Variants in HSPG2 observed in about 807,000 individuals in gnomAD.
HSPG2 encodes heparan sulfate proteoglycan 2.
HSPG2 carries 278 observed loss-of-function variants against 526.6 expected under a neutral mutation model. That is an observed-to-expected ratio of 0.53 (90% CI 0.48 to 0.58). The LOEUF is 0.58. HSPG2 is among the 20% of genes least tolerant of loss of function. HSPG2 has a pLI of 0.00. For missense variants in HSPG2, 5,354 were observed against 6,099.5 expected (o/e 0.88, Z 4.07); for synonymous variants, 2,465 against 2,555.4 (o/e 0.96, Z 1.07).
In HSPG2 at chr1:21,878,351, G is replaced by T. The variant is rs764104107; in HGVS notation, c.2617+82C>A. 1.2e-5 allele frequency: 19 copies of T among 1,575,638 alleles called. 1 individual carries two copies. In the Admixed American group the frequency reaches 3.1e-4, roughly 25 times the overall value. ...GTGGCTCCCCAAGGTTCATGAGCTG[G>T]GGCAGGGAGGGAGGGTGCCTGGTGT... On this transcript the variant is annotated intron_variant, in intron 20 of 96. Transcript: ENST00000374695.
At chr1:21,835,378 C>G in intron 76 of HSPG2, 162 bp downstream of exon 76, 1 of 670,898 alleles carries the variant, frequency 1.5e-6, no homozygotes, top group Non-Finnish European at 2.7e-6. Flanking sequence ...TATCAAGCCC[C>G]TTTTACTCTA....
intron 85 of HSPG2, chr1:21,830,328 A>C (rs1171524283): frequency 1.1e-5 from 6 of 565,574 alleles, no homozygotes; most frequent in Admixed American, 6.1e-5. Flanking sequence ...GGTTCTTCAG[A>C]GACTGGACAG....
rs1257187341 is a variant in HSPG2, at chr1:21,898,237, T to A, written c.64-1927A>T. Among the ~76,000 whole-genome samples the A allele has an allele frequency of 6.6e-6, 1 of 152,136 alleles. No homozygotes were observed. The highest frequency in any genetic ancestry group is 1.5e-5 in the Non-Finnish European group (1 of 68,016). On this transcript the variant is annotated intron_variant, in intron 1 of 96. Coordinates refer to ENST00000374695, the MANE Select transcript of HSPG2 (RefSeq NM_005529.7). The surrounding 1 kb of genome is among the most constrained non-coding windows in gnomAD (Gnocchi z 4.0). ...GATGGGGGAGTGGCTGGGTGCCATT[T>A]GTTCATCTTTGTGTTTGCGGTGCTC...
Position 21,887,148 on chromosome 1 carries a change from A to AGGGCGGGGCAGGAGTGGG in HSPG2, c.1078+66_1078+67insCCCACTCCTGCCCCGCCC. ...CAGGGTAGGGGCGGGGCAGGAGTGG[A>AGGGCGGGGCAGGAGTGGG]AGGCGGGGCAGGAGCAAGCGGCCTG... On this transcript the variant is annotated intron_variant, in intron 9 of 96. Transcript: ENST00000374695. The surrounding 1 kb of genome is among the most constrained non-coding windows in gnomAD (Gnocchi z 5.0). 3.2e-6 allele frequency: 5 copies of AGGGCGGGGCAGGAGTGGG among 1,584,956 alleles called. No individual in the cohort carries two copies. In the East Asian group the frequency reaches 1.1e-4, roughly 36 times the overall value.
chr1:21,890,472 T>A lies in HSPG2; in HGVS notation c.368A>T (p.Tyr123Phe). 6.2e-7 allele frequency: 1 copy of A among 1,613,888 alleles called. No individual in the cohort carries two copies. The highest frequency in any genetic ancestry group is 8.5e-7 in the Non-Finnish European group (1 of 1,179,968). Reference protein sequence around the residue: ...EAVVDTLESEYLKIPGDQVVS... With the variant: ...EAVVDTLESEFLKIPGDQVVS... ...AACCTGGTCTCCGGGAATTTTCAAG[T>A]ACTCCGACTCCAGCTGGGGAGGGAC... Residue 123 changes from tyrosine to phenylalanine, a missense_variant, in exon 5 of 97, where the codon TAC becomes TTC. By Grantham distance (22) the Tyr-to-Phe change is conservative. Transcript: ENST00000374695. The surrounding 1 kb of genome is among the most constrained non-coding windows in gnomAD (Gnocchi z 4.1).
rs1206858466 is a variant in HSPG2, at chr1:21,864,102, A to C, written c.4738T>G (p.Ser1580Ala). 3 of 1,551,946 alleles carry C rather than the reference A, an allele frequency of 1.9e-6. No individual in the cohort carries two copies. Among genetic ancestry groups the C allele is most frequent in the Middle Eastern group, 1.9e-4 (1 of 5,158 alleles). Residue 1580 changes from serine (S) to alanine (A), a missense_variant and splice_region_variant, in exon 37 of 97, where the codon TCG becomes GCG. By Grantham distance (99) the Ser-to-Ala change is moderately conservative. Transcript: ENST00000374695. This position sits in a 1 kb window ranked among gnomAD's most constrained non-coding sequence, Gnocchi z 4.8. ...DLCHPETGAC[S>A]QCQHNAAGEF... The stretch of plus-strand genomic sequence containing the variant: ...TCCTGGCCTCGCTTGCAGCTCACCG[A>C]GCAGGCCCCAGTCTCTGGGTGGCAC...
chr1:21,914,528 C>G (rs1643831495), intron 1 of HSPG2, among the ~76,000 whole-genome samples: 1 of 152,168 alleles, frequency 6.6e-6, no homozygotes, highest in Admixed American at 6.5e-5. Context: ...CCTCCATAGC[C>G]AGGTGTCCAG....
chr1:21,926,878 G>A (rs907478617), intron 1 of HSPG2, among the ~76,000 whole-genome samples: 2 of 151,368 alleles, frequency 1.3e-5, no homozygotes, highest in African/African-American at 2.4e-5. Context: ...AGGGATCCAA[G>A]AAGAGGCATG....
chr1:21,829,744 G>A (rs1314039718), intron 86 of HSPG2, 140 bp from the exon 87 acceptor site: 14 of 777,956 alleles, frequency 1.8e-5, no homozygotes, highest in Non-Finnish European at 2.6e-5. Flanking sequence ...ACCAGCTGCA[G>A]TGGCACAGGA....
At chr1:21,875,078 G>T (rs1640945863) in intron 25 of HSPG2, 76 bp from the exon 26 acceptor site, 5 of 1,047,164 alleles carry the variant, frequency 4.8e-6, no homozygotes, top group South Asian at 4.0e-5. Context: ...CCACTGGCAG[G>T]GTCTTATTAG....
chr1:21,906,454 T>G (rs1314500161), intron 1 of HSPG2, among the ~76,000 whole-genome samples: 1 of 152,196 alleles, frequency 6.6e-6, no homozygotes, highest in Non-Finnish European at 1.5e-5. Context: ...CAGGCTGGGC[T>G]TTCCTCATCT....
intron 55 of HSPG2, 160 bp downstream of exon 55, chr1:21,851,386 G>T: frequency 2.0e-6 from 2 of 1,004,974 alleles, no homozygotes; most frequent in Non-Finnish European, 2.9e-6. Flanking sequence ...ACCCAGGTTA[G>T]TCAGTCCTAG....
In HSPG2 at chr1:21,831,776, A is replaced by T; in HGVS notation, c.11228T>A (p.Met3743Lys). Residue 3743 changes from methionine to lysine, a missense_variant, in exon 82 of 97, where the codon ATG becomes AAG. Transcript: ENST00000374695. ...PEFRFDAGSG[M>K]ATIRHPTPLA... is the part of the protein sequence containing the mutation. ...TGGTGTGGGATGGCGGATGGTGGCCATGCCTGAGCCTGCATCGAACCTGCT... is the reference window on the plus strand; with the variant it reads ...TGGTGTGGGATGGCGGATGGTGGCCTTGCCTGAGCCTGCATCGAACCTGCT... The T allele has an allele frequency of 1.2e-6, 2 of 1,602,964 alleles. No homozygotes were observed. Among genetic ancestry groups the T allele is most frequent in the Non-Finnish European group, 1.7e-6 (2 of 1,172,454 alleles).
intron 1 of HSPG2, among the ~76,000 whole-genome samples, chr1:21,910,136 T>G (rs1306319575): frequency 6.6e-6 from 1 of 152,230 alleles, no homozygotes; most frequent in Non-Finnish European, 1.5e-5. Context: ...GGATCCTCCA[T>G]GGCGATGTTG....
chr1:21,856,452 C>CT (rs1203364884), intron 44 of HSPG2, among the ~76,000 whole-genome samples: 1 of 152,124 alleles, frequency 6.6e-6, no homozygotes, highest in Non-Finnish European at 1.5e-5. Flanking sequence ...GATTCTTGCT[C>CT]TGTCACCCAG....
chr1:21,919,664 C>G (rs938634676), intron 1 of HSPG2, among the ~76,000 whole-genome samples: 1 of 151,816 alleles, frequency 6.6e-6, no homozygotes, highest in African/African-American at 2.4e-5. Flanking sequence ...CCAGCTTTAA[C>G]GAGCACATGA....
At position 21,887,767 on chromosome 1, in the gene HSPG2, CCAA is replaced by C; in HGVS notation, c.704-96_704-94del. The stretch of plus-strand genomic sequence containing the variant: ...CCTCCCCAGGCCCACCCTGTACTCC[CCAA>C]CACCACTCCCTGCCACCCCCTGCCT... On this transcript the variant is annotated intron_variant, in intron 7 of 96. Transcript: ENST00000374695. This position sits in a 1 kb window ranked among gnomAD's most constrained non-coding sequence, Gnocchi z 5.0. The C allele has an allele frequency of 2.5e-6, 4 of 1,579,368 alleles. No individual in the cohort carries two copies. Among genetic ancestry groups the C allele is most frequent in the Non-Finnish European group, 3.5e-6 (4 of 1,150,060 alleles).
At chr1:21,878,966 C>A (rs775962936) in intron 18 of HSPG2, 28 bp downstream of exon 18, 10 of 1,604,298 alleles carry the variant, frequency 6.2e-6, no homozygotes, top group Non-Finnish European at 7.7e-6. Context: ...CCCAGCCAAA[C>A]CCCCCCTGAC....
chr1:21,851,425 A>G, intron 55 of HSPG2, 121 bp downstream of exon 55: 1 of 1,407,108 alleles, frequency 7.1e-7, no homozygotes, highest in Non-Finnish European at 9.9e-7. Context: ...TGCACTATAC[A>G]TCTGTGCAAT....
Sources: gnomAD v4.1 joint callset for allele counts (sites outside exome capture counted in the v4.1 genomes callset) on GRCh38, gnomAD v4.1.1 for gene constraint, Gnocchi (gnomAD v3.1) non-coding constraint, MANE v1.5 for transcripts, NCBI Gene and HGNC (gene_info 2026-07-23, HGNC 2026-07-21) for gene names.